Variants in RABGAP1L observed in about 807,000 individuals in gnomAD.
The protein encoded by RABGAP1L is RAB GTPase activating protein 1 like, also known as rab GTPase-activating protein 1-like.
In RABGAP1L, 63 loss-of-function variants were observed where a neutral mutation model predicts 137.7. That is an observed-to-expected ratio of 0.46 (90% CI 0.37 to 0.56). The LOEUF (loss-of-function observed/expected upper bound fraction) is 0.56. Among genes scored for constraint, RABGAP1L ranks in the 20% least tolerant of loss-of-function variants. The pLI, the probability that RABGAP1L is intolerant of heterozygous loss-of-function variation, is 0.00. For missense variants in RABGAP1L, 1,095 were observed against 1,244.0 expected (o/e 0.88, Z 1.80); for synonymous variants, 431 against 433.7 (o/e 0.99, Z 0.08).
At chr1:174,756,908 G>C in intron 18 of RABGAP1L, 1 of 703,150 alleles carries the variant, frequency 1.4e-6, no homozygotes, top group South Asian at 1.3e-5. Context: ...GGACTGCTTG[G>C]CATTGGCACC....
chr1:174,957,835 T>G, intron 20 of RABGAP1L: 10 of 1,457,582 alleles, frequency 6.9e-6, no homozygotes, highest in Non-Finnish European at 9.5e-6. Context: ...TGTCCAGGTA[T>G]GTTTTCATTT....
In RABGAP1L at chr1:174,247,654, C is replaced by A. The variant is rs147686303; in HGVS notation, c.718-2821C>A. On this transcript the variant is annotated intron_variant, in intron 5 of 25. Coordinates refer to ENST00000681986, the MANE Select transcript of RABGAP1L (RefSeq NM_001366446.1). ...ACATGGCTGCCCACACATATCCTTG[C>A]GTGTGGAGAGCATCATGGTGCCCTG... Among the ~76,000 whole-genome samples, 590 of 152,330 alleles carry A rather than the reference C, an allele frequency of 3.9e-3. 4 individuals are homozygous for A. Among genetic ancestry groups the A allele is most frequent in the African/African-American group, 0.012 (509 of 41,574 alleles).
intron 13 of RABGAP1L, among the ~76,000 whole-genome samples, chr1:174,547,029 CAAAA>C (rs375413887): frequency 5.1e-5 from 4 of 78,246 alleles, no homozygotes; most frequent in Admixed American, 2.7e-4. Context: ...GACTCTGTCT[CAAAA>C]AAAAAAAAAA....
intron 13 of RABGAP1L, among the ~76,000 whole-genome samples, chr1:174,497,335 T>C (rs940828024): frequency 2.0e-5 from 3 of 152,212 alleles, no homozygotes; most frequent in African/African-American, 7.2e-5. Flanking sequence ...CCATATGTAA[T>C]ACTTTGCAAG....
At chr1:174,980,237 A>T (rs1028401171) in intron 23 of RABGAP1L, among the ~76,000 whole-genome samples, 6 of 152,200 alleles carry the variant, frequency 3.9e-5, no homozygotes, top group Non-Finnish European at 8.8e-5. Context: ...TTCCATAAGG[A>T]ATCCGCATAT....
At chr1:174,550,292 A>G (rs1477808164) in intron 13 of RABGAP1L, among the ~76,000 whole-genome samples, 2 of 152,188 alleles carry the variant, frequency 1.3e-5, no homozygotes, top group Non-Finnish European at 2.9e-5. Context: ...TATTCTTTGA[A>G]CAAAGTCCCA....
chr1:174,258,464 T>C (rs1054221024), intron 7 of RABGAP1L, among the ~76,000 whole-genome samples: 4 of 152,154 alleles, frequency 2.6e-5, no homozygotes, highest in African/African-American at 4.8e-5. Context: ...AAACATCTTT[T>C]TTTTGGAGAG....
chr1:174,756,469 A>AT (rs983539714), intron 18 of RABGAP1L, among the ~76,000 whole-genome samples: 67 of 150,666 alleles, frequency 4.4e-4, no homozygotes, highest in East Asian at 1.2e-3. Context: ...ATATATATAT[A>AT]TTTTTTTTTG....
intron 13 of RABGAP1L, among the ~76,000 whole-genome samples, chr1:174,503,033 A>G (rs976256091): frequency 1.3e-5 from 2 of 152,140 alleles, no homozygotes; most frequent in Non-Finnish European, 1.5e-5. Flanking sequence ...TACATATGTG[A>G]GTGCAGACAT....
intron 19 of RABGAP1L, among the ~76,000 whole-genome samples, chr1:174,839,028 C>CGTGTGTGTGTGTGTGTGTGTGT (rs71726767): frequency 4.6e-5 from 6 of 130,104 alleles, no homozygotes; most frequent in African/African-American, 1.7e-4. Context: ...AACTTTTTTA[C>CGTGTGTGTGTGTGTGTGTGTGT]GTGTGTGTGT....
At chr1:174,712,048 C>T (rs532955628) in intron 17 of RABGAP1L, among the ~76,000 whole-genome samples, 1 of 152,294 alleles carries the variant, frequency 6.6e-6, no homozygotes, top group African/African-American at 2.4e-5. Flanking sequence ...CACCAGTCAG[C>T]ACTTTGTGTC....
At chr1:174,618,212 G>T (rs369202703) in intron 13 of RABGAP1L, among the ~76,000 whole-genome samples, 16 of 152,296 alleles carry the variant, frequency 1.1e-4, no homozygotes, top group African/African-American at 3.8e-4. Context: ...CTCCACCTCT[G>T]GGGGCACAGC....
intron 14 of RABGAP1L, among the ~76,000 whole-genome samples, chr1:174,655,571 T>A (rs1418481962): frequency 6.6e-6 from 1 of 152,204 alleles, no homozygotes; most frequent in Non-Finnish European, 1.5e-5. Context: ...ATAAGGTGTG[T>A]CTACCAGGCT....
intron 5 of RABGAP1L, chr1:174,244,842 A>G (rs1291787314): frequency 1.3e-5 from 2 of 152,224 alleles, no homozygotes; most frequent in Non-Finnish European, 2.9e-5. Context: ...TAACCATTCT[A>G]TGCAAAGCAG....
At chr1:174,430,261 A>G (rs1349250514) in intron 13 of RABGAP1L, among the ~76,000 whole-genome samples, 2 of 151,974 alleles carry the variant, frequency 1.3e-5, no homozygotes, top group African/African-American at 4.8e-5. Context: ...ACATGCCTGT[A>G]GTCCCAGAGG....
intron 11 of RABGAP1L, among the ~76,000 whole-genome samples, chr1:174,342,027 T>A (rs983309770): frequency 1.3e-5 from 2 of 152,156 alleles, no homozygotes; most frequent in African/African-American, 4.8e-5. Context: ...TCTTTCAATT[T>A]ATGTGTAAGT....
chr1:174,217,023 T>C (rs1398377096), intron 1 of RABGAP1L, among the ~76,000 whole-genome samples: 1 of 152,072 alleles, frequency 6.6e-6, no homozygotes, highest in Non-Finnish European at 1.5e-5. Flanking sequence ...GAGCATTGTT[T>C]GGACTAGAGT....
chr1:174,163,200 C>T (rs1664647310), intron 1 of RABGAP1L, among the ~76,000 whole-genome samples: 1 of 152,090 alleles, frequency 6.6e-6, no homozygotes, highest in African/African-American at 2.4e-5. Flanking sequence ...TTGTTTGACT[C>T]CTAGACTTTC....
intron 13 of RABGAP1L, among the ~76,000 whole-genome samples, chr1:174,616,624 G>A (rs578258716): frequency 6.6e-6 from 1 of 152,290 alleles, no homozygotes; most frequent in Admixed American, 6.5e-5. Context: ...GTGAGGAAAA[G>A]GGAGACAAGA....
Sources: gnomAD v4.1 joint callset for allele counts (sites outside exome capture counted in the v4.1 genomes callset) on GRCh38, gnomAD v4.1.1 for gene constraint, MANE v1.5 for transcripts, NCBI Gene and HGNC (gene_info 2026-07-23, HGNC 2026-07-21) for gene names.